Variants in FH observed in about 807,000 individuals in gnomAD.
FH encodes the protein fumarate hydratase, also known as fumarate hydratase, mitochondrial.
Under a neutral mutation model 49.4 loss-of-function variants are expected in FH, and 22 were observed. The observed-to-expected ratio is 0.45, with a 90% CI of 0.32 to 0.64. FH has a LOEUF of 0.64. Ranked by LOEUF, FH falls within the 30% of genes least tolerant of loss-of-function variation. FH has a pLI of 0.05. For missense variants in FH, 526 were observed against 641.5 expected (o/e 0.82, Z 1.95); for synonymous variants, 208 against 223.0 (o/e 0.93, Z 0.60).
intron 5 of FH, among the ~76,000 whole-genome samples, chr1:241,508,001 T>C (rs1354355806): frequency 2.0e-5 from 3 of 152,218 alleles, no homozygotes; most frequent in South Asian, 2.1e-4. Flanking sequence ...AAATACTTTC[T>C]AATATCTTGG....
At chr1:241,515,372 C>T (rs1573887347) in intron 2 of FH, among the ~76,000 whole-genome samples, 1 of 152,068 alleles carries the variant, frequency 6.6e-6, no homozygotes, top group Admixed American at 6.5e-5. Flanking sequence ...GGCAGCCATG[C>T]TCACTCCCAC....
rs1031919395 is a variant in FH at position 241,519,658 on chromosome 1, A to C, written c.65T>G (p.Leu22Ter). The stretch of plus-strand genomic sequence containing the variant: ...GCCACCCAAGCCGGGAGCCGAAGCT[A>C]AGGCTGCGGCTGGAGCCCGCACGAG... ...RPLVRAPAAA[L>*]ASAPGLGGAA... The change falls in exon 1 of 10, where the codon TTA becomes TGA. Residue 22 changes from leucine to a stop codon, truncating the protein, a stop_gained. Coordinates refer to ENST00000366560, the MANE Select transcript of FH (RefSeq NM_000143.4). LOFTEE classifies it high-confidence loss of function. 1.9e-6 allele frequency: 3 copies of C among 1,547,916 alleles called. No individual in the cohort carries two copies. The African/African-American group carries it at 4.1e-5, about 21-fold the overall frequency.
At chr1:241,504,000 T>G in intron 7 of FH, 42 bp downstream of exon 7, 1 of 1,569,644 alleles carries the variant, frequency 6.4e-7, no homozygotes, top group African/African-American at 1.3e-5. Flanking sequence ...GCCTAGGACC[T>G]AGTCAAGTTT....
rs1553341031 is a variant in FH, at chr1:241,504,151, G to T, written c.999C>A (p.Cys333Ter). 6.2e-7 allele frequency: 1 copy of T among 1,614,174 alleles called. No individual in the cohort carries two copies. Among genetic ancestry groups the T allele is most frequent in the South Asian group, 1.1e-5 (1 of 91,084 alleles). ...TATCATTTGCTATCTTCATCAGACT[G>T]CAGGCAGTAGTGTTCATGGCTCCAC... ...ELSGAMNTTA[C>*]SLMKIANDIR... The change falls in exon 7 of 10, where the codon TGC becomes TGA. Residue 333 changes from cysteine to a stop codon, truncating the protein, a stop_gained. Transcript: ENST00000366560. LOFTEE classifies it high-confidence loss of function.
Position 241,519,572 on chromosome 1 carries a change from G to T in FH, c.132+19C>A, listed in dbSNP as rs1246848606. The T allele has an allele frequency of 5.2e-6, 8 of 1,544,884 alleles. No homozygotes were observed. The highest frequency in any genetic ancestry group is 6.1e-6 in the Non-Finnish European group (7 of 1,145,014). On this transcript the variant is annotated intron_variant, in intron 1 of 9. Transcript: ENST00000366560. Reference sequence around the variant, plus strand: ...GAAGGTCACTGCGGGGAGGCCGGGGGATGGCGGCCTGCGCTCACCATTCGA... The same window carrying T: ...GAAGGTCACTGCGGGGAGGCCGGGGTATGGCGGCCTGCGCTCACCATTCGA...
Position 241,506,168 on chromosome 1 carries a change from C to A in FH, c.739G>T (p.Glu247Ter), listed in dbSNP as rs1131691243. 6.2e-7 allele frequency: 1 copy of A among 1,610,302 alleles called. No individual in the cohort carries two copies. The highest frequency in any genetic ancestry group is 8.5e-7 in the Non-Finnish European group (1 of 1,177,120). Residue 247 changes from glutamate to a stop codon, truncating the protein, a stop_gained and splice_region_variant, in exon 6 of 10, where the codon GAA (glutamate) becomes TAA (stop). Transcript: ENST00000366560. LOFTEE classifies it high-confidence loss of function. The part of the protein sequence containing the change: ...QDAVPLTLGQ[E>*]FSGYVQQVKY... ...ACTTGTTGAACATAACCACTAAATT[C>A]CTGAAAAGAAAAGAAAATTAAGGTA... is the stretch of plus-strand genomic sequence containing the variant.
chr1:241,504,063 GTTCA>G lies in FH; in HGVS notation c.1083_1086del (p.Glu362GlnfsTer10), dbSNP rs756469140. On this transcript the variant is annotated frameshift_variant, in exon 7 of 10. Coordinates refer to ENST00000366560, the MANE Select transcript of FH (RefSeq NM_000143.4). LOFTEE classifies it high-confidence loss of function. ...TTACCTGGCATGATACTGCTTCCTG[GTTCA>G]TTTTCAGGCAAGATCAATTCTCCCA... 6.2e-7 allele frequency: 1 copy of G among 1,614,106 alleles called. No homozygotes were observed.
chr1:241,509,735 T>C (rs773529764), intron 4 of FH, among the ~76,000 whole-genome samples: 1 of 151,812 alleles, frequency 6.6e-6, no homozygotes, highest in African/African-American at 2.4e-5. Flanking sequence ...ATGCTCACTC[T>C]ACTGCACTCC....
chr1:241,516,065 A>G (rs1036964207), intron 2 of FH, among the ~76,000 whole-genome samples: 2 of 152,222 alleles, frequency 1.3e-5, no homozygotes, highest in Non-Finnish European at 2.9e-5. Context: ...ACCAAAATAC[A>G]AAGTGTAATT....
At chr1:241,507,430 A>G (rs1339255439) in intron 5 of FH, among the ~76,000 whole-genome samples, 2 of 152,000 alleles carry the variant, frequency 1.3e-5, no homozygotes, top group East Asian at 3.9e-4. Flanking sequence ...GTATGTATAC[A>G]CACACACACA....
intron 8 of FH, among the ~76,000 whole-genome samples, chr1:241,500,995 G>A (rs1310369847): frequency 1.3e-5 from 2 of 152,198 alleles, no homozygotes; most frequent in African/African-American, 4.8e-5. Flanking sequence ...CACGCAGAAG[G>A]AAGAGGAGCA....
chr1:241,509,091 A>G (rs1179457064), intron 4 of FH, among the ~76,000 whole-genome samples: 2 of 149,422 alleles, frequency 1.3e-5, no homozygotes, highest in Non-Finnish European at 3.0e-5. Context: ...TATATTATGT[A>G]TTACGTATTA....
chr1:241,502,293 A>ACC, intron 8 of FH, 150 bp downstream of exon 8: 1 of 835,464 alleles, frequency 1.2e-6, no homozygotes, highest in Non-Finnish European at 1.9e-6. Flanking sequence ...ATCTAGGATT[A>ACC]TTCTGGTAAC....
chr1:241,511,262 T>A (rs1189639644), intron 4 of FH, among the ~76,000 whole-genome samples: 1 of 152,168 alleles, frequency 6.6e-6, no homozygotes, highest in African/African-American at 2.4e-5. Flanking sequence ...AAGATGGCCA[T>A]CTACAAACCA....
intron 2 of FH, among the ~76,000 whole-genome samples, chr1:241,514,026 C>T (rs765190210): frequency 2.0e-5 from 3 of 152,112 alleles, no homozygotes; most frequent in East Asian, 1.9e-4. Context: ...TGCACAAATA[C>T]ACACAATAAA....
In FH at chr1:241,519,686, G is replaced by C. The variant is rs587778360; in HGVS notation, c.37C>G (p.Pro13Ala). The change falls in exon 1 of 10, where the codon CCC becomes GCC. Residue 13 changes from proline (P) to alanine (A), a missense_variant. Physicochemically the swap from Pro to Ala is conservative, Grantham distance 27 (BLOSUM62 -1). This residue lies in a region of FH where 143 missense variants were observed against 127.5 expected (regional missense o/e 1.12). Coordinates refer to ENST00000366560, the MANE Select transcript of FH (RefSeq NM_000143.4). ...RALRLLARSR[P>A]LVRAPAAALA... ...GCTGCGGCTGGAGCCCGCACGAGGG[G>C]ACGCGAGCGCGCGAGGAGCCGAAGT... The C allele has an allele frequency of 5.2e-6, 8 of 1,547,162 alleles. No homozygotes were observed. In the Admixed American group the frequency reaches 5.9e-5, roughly 11 times the overall value.
intron 4 of FH, among the ~76,000 whole-genome samples, chr1:241,510,385 G>A (rs1358276177): frequency 6.6e-6 from 1 of 152,100 alleles, no homozygotes; most frequent in East Asian, 1.9e-4. Flanking sequence ...CAAATGAATT[G>A]GGTTCCCAGA....
At chr1:241,512,212 G>T in intron 3 of FH, 69 bp from the exon 4 acceptor site, 1 of 1,380,230 alleles carries the variant, frequency 7.2e-7, no homozygotes, top group South Asian at 1.2e-5. Context: ...CACAGAGTTT[G>T]AATACAGTTG....
At chr1:241,509,535 A>C (rs1231953807) in intron 4 of FH, among the ~76,000 whole-genome samples, 2 of 152,174 alleles carry the variant, frequency 1.3e-5, no homozygotes, top group Non-Finnish European at 2.9e-5. Flanking sequence ...GCACTTTCAG[A>C]GGCTGAGGCA....
Sources: allele counts gnomAD v4.1 joint callset (sites outside exome capture counted in the v4.1 genomes callset), GRCh38; gene constraint gnomAD v4.1.1; regional missense constraint gnomAD v4.1.1; transcripts MANE v1.5; gene names NCBI Gene and HGNC (gene_info 2026-07-23, HGNC 2026-07-21).